MMP26: variants seen among roughly 807,000 people sequenced by gnomAD.
MMP26 encodes the protein matrix metallopeptidase 26, also known as matrix metalloproteinase-26.
MMP26 carries 33 observed loss-of-function variants against 31.0 expected under a neutral mutation model. The observed-to-expected ratio is 1.06, with a 90% CI of 0.81 to 1.42. The LOEUF (loss-of-function observed/expected upper bound fraction) is 1.42. Ranked by LOEUF, MMP26 falls within the 40% of genes most tolerant of loss-of-function variation. The pLI is 0.00. For missense variants in MMP26, 347 were observed against 316.1 expected, an observed-to-expected ratio of 1.10 and a Z score of -0.74; for synonymous variants, 122 against 114.9, an observed-to-expected ratio of 1.06 and a Z score of -0.40.
intron 2 of MMP26, among the ~76,000 whole-genome samples, chr11:4,953,004 G>A (rs11825082): frequency 0.23 from 28,714 of 123,186 alleles, 8,975 homozygotes; most frequent in Non-Finnish European, 0.25. Flanking sequence ...GATTCAACGA[G>A]TGGGTAAAAT....
chr11:4,885,517 C>A (rs1850535014), intron 2 of MMP26, among the ~76,000 whole-genome samples: 1 of 152,052 alleles, frequency 6.6e-6, no homozygotes, highest in African/African-American at 2.4e-5. Context: ...CAGTAAAATG[C>A]TGCACAGTTT....
intron 2 of MMP26, chr11:4,876,986 C>T (rs1448823812): frequency 6.5e-6 from 1 of 153,720 alleles, no homozygotes. Flanking sequence ...ACAGTGTCAT[C>T]AGCAAGATTG....
Position 4,744,070 on chromosome 11 carries a change from G to T in MMP26, c.-216-23200G>T, listed in dbSNP as rs149376335. The stretch of plus-strand genomic sequence containing the variant: ...CCTGCCTTGGCCTCCAAAATGCTGG[G>T]ATTAAAAGTGTGAGCCACCGTGCCT... On this transcript the variant is annotated intron_variant, in intron 1 of 7. Transcript: ENST00000380390. Among the ~76,000 whole-genome samples the T allele has an allele frequency of 5.1e-4, 78 of 152,152 alleles. 1 individual carries two copies. Among genetic ancestry groups the T allele is most frequent in the African/African-American group, 1.8e-3 (76 of 41,506 alleles).
At chr11:4,714,918 TCTCACACACA>T (rs1473000193) in intron 1 of MMP26, among the ~76,000 whole-genome samples, 60 of 130,344 alleles carry the variant, frequency 4.6e-4, no homozygotes, top group African/African-American at 1.9e-3. Flanking sequence ...TCTCTCTCTC[TCTCACACACA>T]CACACACACA....
intron 2 of MMP26, among the ~76,000 whole-genome samples, chr11:4,962,746 T>C (rs1392813066): frequency 2.1e-4 from 32 of 152,202 alleles, no homozygotes. Flanking sequence ...CATACATTGT[T>C]GGACTTTTTG....
chr11:4,795,843 GGA>G (rs142600384), intron 2 of MMP26, among the ~76,000 whole-genome samples: 3,393 of 141,970 alleles, frequency 0.024, 58 homozygotes, highest in African/African-American at 0.056. Flanking sequence ...AGAGAGAGAG[GGA>G]GAGAGAGAGA....
intron 2 of MMP26, among the ~76,000 whole-genome samples, chr11:4,933,892 A>G (rs1851391151): frequency 6.7e-6 from 1 of 149,510 alleles, no homozygotes; most frequent in South Asian, 2.1e-4. Flanking sequence ...GTCCCTACAA[A>G]GGACGTGAAC....
chr11:4,831,024 C>T (rs1849639100), intron 2 of MMP26, among the ~76,000 whole-genome samples: 1 of 152,146 alleles, frequency 6.6e-6, no homozygotes, highest in Non-Finnish European at 1.5e-5. Flanking sequence ...CTAAGCCTGC[C>T]TCATAGCTCC....
At chr11:4,855,625 G>A (rs571007595) in intron 2 of MMP26, among the ~76,000 whole-genome samples, 11 of 152,174 alleles carry the variant, frequency 7.2e-5, no homozygotes, top group Non-Finnish European at 1.6e-4. Context: ...CAGGGAGAAT[G>A]GAATGAAGTT....
At chr11:4,967,851 A>T (rs1024500417) in intron 2 of MMP26, among the ~76,000 whole-genome samples, 6 of 152,214 alleles carry the variant, frequency 3.9e-5, no homozygotes, top group African/African-American at 1.4e-4. Flanking sequence ...AGAAAAGAAA[A>T]ATGTTTCATA....
chr11:4,723,430 C>T (rs1279559048), intron 1 of MMP26: 11 of 1,018,410 alleles, frequency 1.1e-5, no homozygotes, highest in East Asian at 7.1e-5. Flanking sequence ...GTCCAGGGAG[C>T]GGCTGCTGTC....
At chr11:4,899,305 G>A (rs1850767264) in intron 2 of MMP26, among the ~76,000 whole-genome samples, 1 of 152,132 alleles carries the variant, frequency 6.6e-6, no homozygotes, top group South Asian at 2.1e-4. Context: ...TCTCATGTTT[G>A]TGTTGTCTAT....
At chr11:4,904,696 C>A (rs1850856187) in intron 2 of MMP26, among the ~76,000 whole-genome samples, 1 of 152,100 alleles carries the variant, frequency 6.6e-6, no homozygotes, top group Non-Finnish European at 1.5e-5. Flanking sequence ...GTAAGAATGA[C>A]TTTACCGCTT....
intron 2 of MMP26, among the ~76,000 whole-genome samples, chr11:4,980,838 T>A (rs141065059): frequency 4.9e-4 from 75 of 151,892 alleles, no homozygotes; most frequent in Non-Finnish European, 9.1e-4. Flanking sequence ...GAAATATTAT[T>A]TGTATCTGTT....
intron 1 of MMP26, among the ~76,000 whole-genome samples, chr11:4,728,410 T>G (rs2133281632): frequency 1.3e-5 from 2 of 152,282 alleles, no homozygotes; most frequent in South Asian, 4.2e-4. Flanking sequence ...ACTATGGGAC[T>G]TATCCAGTGA....
intron 2 of MMP26, among the ~76,000 whole-genome samples, chr11:4,964,606 T>C (rs1207462029): frequency 6.6e-6 from 1 of 152,108 alleles, no homozygotes; most frequent in African/African-American, 2.4e-5. Context: ...CTATTATAAA[T>C]ATACGTGCAC....
chr11:4,714,030 T>C lies in MMP26; in HGVS notation c.-217+8985T>C, dbSNP rs1367244923. ...AAGAGCTTTCAGGCATCCTGAGATA[T>C]GGCTTCAGATATATGCTACTTATTT... On this transcript the variant is annotated intron_variant, in intron 1 of 7. Coordinates refer to ENST00000380390, the MANE Select transcript of MMP26 (RefSeq NM_021801.5). Among the ~76,000 whole-genome samples, 3 of 152,182 alleles carry C rather than the reference T, an allele frequency of 2.0e-5. No homozygotes were observed. In the East Asian group the frequency reaches 5.8e-4, roughly 29 times the overall value.
At chr11:4,885,852 A>C (rs772303305) in intron 2 of MMP26, among the ~76,000 whole-genome samples, 1 of 152,080 alleles carries the variant, frequency 6.6e-6, no homozygotes, top group East Asian at 1.9e-4. Context: ...TTCATTATCC[A>C]TCAAAATAGG....
chr11:4,787,857 C>T (rs574590916), intron 2 of MMP26, among the ~76,000 whole-genome samples: 2 of 152,118 alleles, frequency 1.3e-5, no homozygotes, highest in South Asian at 2.1e-4. Context: ...GCATTTGTCT[C>T]CTTTAAGTAC....
Sources: gnomAD v4.1 joint callset for allele counts (sites outside exome capture counted in the v4.1 genomes callset) on GRCh38, gnomAD v4.1.1 for gene constraint, MANE v1.5 for transcripts, NCBI Gene and HGNC (gene_info 2026-07-23, HGNC 2026-07-21) for gene names.